Variants in WDR48 observed in about 807,000 individuals in gnomAD.
WDR48 encodes the protein WD repeat domain 48.
A neutral mutation model predicts 94.0 loss-of-function variants in WDR48; 22 were observed. The observed-to-expected ratio is 0.23, with a 90% CI of 0.17 to 0.33. The LOEUF (loss-of-function observed/expected upper bound fraction) is 0.33. WDR48 is among the 10% of genes least tolerant of loss of function. The pLI is 1.00. For missense variants in WDR48, 541 were observed against 813.8 expected (o/e 0.66, Z 4.08); for synonymous variants, 278 against 280.5 (o/e 0.99, Z 0.09).
chr3:39,091,793 A>G (rs1398785781), intron 17 of WDR48, 92 bp downstream of exon 17: 1 of 1,074,924 alleles, frequency 9.3e-7, no homozygotes, highest in Admixed American at 3.0e-5. Flanking sequence ...AGCAAATACC[A>G]GATCTAAGGC....
rs772229476 is a variant in WDR48 at position 39,078,217 on chromosome 3, A to T, written c.1053A>T (p.Thr351=). The stretch of plus-strand genomic sequence containing the variant: ...CAAATCCTATAACACCTCTTTGTAC[A>T]CAACCTGACCAGGTTATTAAAGGTA... The part of the protein sequence containing the change: ...DCTNPITPLC[T]QPDQVIKGGA... The change falls in exon 10 of 19, where the codon ACA becomes ACT. Residue 351 remains threonine, a synonymous_variant. Coordinates refer to ENST00000302313, the MANE Select transcript of WDR48 (RefSeq NM_020839.4). 3.7e-6 allele frequency: 6 copies of T among 1,612,884 alleles called. No individual in the cohort carries two copies. The African/African-American group carries it at 8.0e-5, about 22-fold the overall frequency.
intron 1 of WDR48, among the ~76,000 whole-genome samples, chr3:39,060,419 C>CGCAT (rs1553656024): frequency 5.4e-5 from 8 of 147,772 alleles, no homozygotes; most frequent in Non-Finnish European, 7.5e-5. Flanking sequence ...TGTGTGTGTG[C>CGCAT]ATATATATAT....
intron 2 of WDR48, among the ~76,000 whole-genome samples, chr3:39,063,861 T>A (rs749069098): frequency 1.3e-5 from 2 of 152,124 alleles, no homozygotes; most frequent in Non-Finnish European, 2.9e-5. Flanking sequence ...GGTGGGAGGA[T>A]CACTTGATTG....
intron 14 of WDR48, among the ~76,000 whole-genome samples, chr3:39,086,662 G>T (rs1399718629): frequency 6.6e-6 from 1 of 152,222 alleles, no homozygotes. Flanking sequence ...AGGTTCTGGG[G>T]TGGGCTCTGC....
At position 39,094,796 on chromosome 3, in the gene WDR48, A is replaced by C; in HGVS notation, c.*53A>C. 2 of 1,606,738 alleles carry C rather than the reference A, an allele frequency of 1.2e-6. No homozygotes were observed. Among genetic ancestry groups the C allele is most frequent in the Admixed American group, 3.4e-5 (2 of 59,418 alleles). On this transcript the variant is annotated 3_prime_UTR_variant, in exon 19 of 19. Transcript: ENST00000302313. ...ATTTACGACCTTCCTCTATGGCCCC[A>C]AGAGTAGTCCTAGGAAGCCCACTGA...
At chr3:39,073,853 CAGT>C (rs1222680897) in intron 7 of WDR48, among the ~76,000 whole-genome samples, 1 of 152,156 alleles carries the variant, frequency 6.6e-6, no homozygotes, top group African/African-American at 2.4e-5. Context: ...TGATTCCCGT[CAGT>C]AGAATCCAAG....
chr3:39,058,702 G>C (rs536179921), intron 1 of WDR48, among the ~76,000 whole-genome samples: 46 of 152,150 alleles, frequency 3.0e-4, no homozygotes, highest in Non-Finnish European at 6.3e-4. Context: ...ACTATAATGG[G>C]GGCACAGGGG....
chr3:39,059,634 C>G (rs2033127996), intron 1 of WDR48, among the ~76,000 whole-genome samples: 1 of 152,168 alleles, frequency 6.6e-6, no homozygotes. Context: ...TTGAGTAGAT[C>G]TCAGTTACAG....
intron 4 of WDR48, 32 bp downstream of exon 4, chr3:39,066,662 G>A: frequency 1.2e-6 from 2 of 1,613,220 alleles, no homozygotes; most frequent in Non-Finnish European, 1.7e-6. Context: ...TGTCTTTAGT[G>A]TAATATTGGG....
At chr3:39,056,027 G>A (rs1402633452) in intron 1 of WDR48, among the ~76,000 whole-genome samples, 1 of 152,138 alleles carries the variant, frequency 6.6e-6, no homozygotes, top group Non-Finnish European at 1.5e-5. Flanking sequence ...TTTTTCTATA[G>A]CCAGACATTT....
intron 12 of WDR48, among the ~76,000 whole-genome samples, 179 bp downstream of exon 12, chr3:39,084,441 AAG>A (rs2034703223): frequency 6.6e-6 from 1 of 152,158 alleles, no homozygotes; most frequent in African/African-American, 2.4e-5. Flanking sequence ...TATATTAAAA[AAG>A]AAAAAAATTT....
chr3:39,068,165 T>G (rs1278751015), intron 5 of WDR48, among the ~76,000 whole-genome samples: 1 of 152,158 alleles, frequency 6.6e-6, no homozygotes, highest in African/African-American at 2.4e-5. Flanking sequence ...AAGTAGACAT[T>G]TTTCTAAACA....
In WDR48 at chr3:39,063,043, T is replaced by C. The variant is rs2033370467; in HGVS notation, c.49-7T>C. On this transcript the variant is annotated splice_region_variant and splice_polypyrimidine_tract_variant and intron_variant, in intron 1 of 18. Coordinates refer to ENST00000302313, the MANE Select transcript of WDR48 (RefSeq NM_020839.4). ...TTATAAAAAGCATATGTTGACACATTTGTCAGGTTTCCTATGTTATTCGAG... is the reference window on the plus strand; with the variant it reads ...TTATAAAAAGCATATGTTGACACATCTGTCAGGTTTCCTATGTTATTCGAG... 1 of 1,613,974 alleles carries C rather than the reference T, an allele frequency of 6.2e-7. No homozygotes were observed. Among genetic ancestry groups the C allele is most frequent in the Non-Finnish European group, 8.5e-7 (1 of 1,179,916 alleles).
chr3:39,072,986 C>T (rs1264289155), intron 7 of WDR48, among the ~76,000 whole-genome samples: 1 of 152,194 alleles, frequency 6.6e-6, no homozygotes, highest in Non-Finnish European at 1.5e-5. Context: ...TCCAACTGTG[C>T]ACCCTTAGTT....
intron 7 of WDR48, among the ~76,000 whole-genome samples, chr3:39,073,074 T>C (rs2034026960): frequency 6.6e-6 from 1 of 152,162 alleles, no homozygotes; most frequent in Non-Finnish European, 1.5e-5. Context: ...TTCCTTGTCC[T>C]CTTTAAGTTG....
intron 14 of WDR48, 29 bp downstream of exon 14, chr3:39,085,639 A>G: frequency 6.4e-7 from 1 of 1,573,510 alleles, no homozygotes; most frequent in Admixed American, 1.8e-5. Context: ...ATAGTTGCAT[A>G]AAAAGTTAGA....
chr3:39,055,472 G>A (rs1391060211), intron 1 of WDR48, among the ~76,000 whole-genome samples: 1 of 152,118 alleles, frequency 6.6e-6, no homozygotes, highest in African/African-American at 2.4e-5. Context: ...GTGACAGAGC[G>A]AGACTCCATC....
intron 1 of WDR48, among the ~76,000 whole-genome samples, chr3:39,053,283 G>A (rs2032600594): frequency 6.6e-6 from 1 of 152,204 alleles, no homozygotes. Flanking sequence ...TCAAGTGTCA[G>A]ATAAAGGTAG....
rs1325542278 is a variant in WDR48 at position 39,084,101 on chromosome 3, A to G, written c.1174-54A>G. 77 of 1,400,532 alleles carry G rather than the reference A, an allele frequency of 5.5e-5. 1 individual carries two copies. 86.8% of individuals were successfully genotyped at this position (1,400,532 alleles called of 1,614,324 possible). On this transcript the variant is annotated intron_variant, in intron 11 of 18. Coordinates refer to ENST00000302313, the MANE Select transcript of WDR48 (RefSeq NM_020839.4). ...TAAAATTTTGAATAGCAAAGTCAGA[A>G]TCAAGTGAATTCACCACTTAATATT...
Sources: gnomAD v4.1 joint callset for allele counts (sites outside exome capture counted in the v4.1 genomes callset) on GRCh38, gnomAD v4.1.1 for gene constraint, MANE v1.5 for transcripts, NCBI Gene and HGNC (gene_info 2026-07-23, HGNC 2026-07-21) for gene names.